Variants in LRBA observed in about 807,000 individuals in gnomAD.
LRBA encodes LPS responsive beige-like anchor protein, also known as lipopolysaccharide-responsive and beige-like anchor protein.
A neutral mutation model predicts 330.0 loss-of-function variants in LRBA; 176 were observed. That is an observed-to-expected ratio of 0.53 (90% confidence interval 0.47 to 0.60). The LOEUF (loss-of-function observed/expected upper bound fraction) is 0.60, where lower values mean the gene tolerates loss of function less well. Among genes scored for constraint, LRBA ranks in the 20% least tolerant of loss-of-function variants. LRBA has a pLI of 0.00. For synonymous variants in LRBA, 1,230 were observed against 1,193.0 expected (o/e 1.03, Z -0.64); for missense variants, 3,259 against 3,444.8 (o/e 0.95, Z 1.35).
At chr4:150,820,495 T>TA (rs777958876) in intron 30 of LRBA, among the ~76,000 whole-genome samples, 4 of 152,002 alleles carry the variant, frequency 2.6e-5, no homozygotes, top group Non-Finnish European at 1.5e-5. Context: ...TATACTACCA[T>TA]AAAATCACAA....
intron 40 of LRBA, among the ~76,000 whole-genome samples, chr4:150,534,005 A>G (rs956098616): frequency 6.6e-6 from 1 of 152,134 alleles, no homozygotes; most frequent in Non-Finnish European, 1.5e-5. Flanking sequence ...TCTCTACCCC[A>G]GTCCTTGTCT....
intron 55 of LRBA, among the ~76,000 whole-genome samples, chr4:150,280,010 A>G (rs1747305826): frequency 1.3e-5 from 2 of 152,228 alleles, no homozygotes; most frequent in African/African-American, 4.8e-5. Flanking sequence ...TCTAGTAAAG[A>G]ATCTCTAATC....
chr4:150,834,918 T>C (rs1309145734), intron 28 of LRBA, among the ~76,000 whole-genome samples: 1 of 152,216 alleles, frequency 6.6e-6, no homozygotes, highest in Non-Finnish European at 1.5e-5. Flanking sequence ...GGTTTTCTTC[T>C]AGGGTTTTTA....
chr4:150,421,424 G>A (rs1748779466), intron 46 of LRBA, among the ~76,000 whole-genome samples: 1 of 150,354 alleles, frequency 6.7e-6, no homozygotes, highest in African/African-American at 2.4e-5. Context: ...GAATGTAAAT[G>A]TTATTTCTTA....
In LRBA at chr4:150,335,852, A is replaced by G. The variant is rs143015597; in HGVS notation, c.7363-9954T>C. ...CAGGGAGCCACAGGTGTGTGCCACC[A>G]TGCCTGGCTGATTTTTGTATTTTTG... is the stretch of plus-strand genomic sequence containing the variant. On this transcript the variant is annotated intron_variant, in intron 48 of 56. Transcript: ENST00000651943. 7.3e-3 allele frequency among the ~76,000 whole-genome samples: 1,109 copies of G among 152,088 alleles called. 10 individuals are homozygous for G. Among genetic ancestry groups the G allele is most frequent in the African/African-American group, 0.026 (1,066 of 41,506 alleles).
intron 9 of LRBA, among the ~76,000 whole-genome samples, chr4:150,909,734 C>A (rs907690413): frequency 6.6e-6 from 1 of 152,084 alleles, no homozygotes; most frequent in Non-Finnish European, 1.5e-5. Context: ...TGAGGAACCT[C>A]ATATTGTTGT....
chr4:150,908,555 C>G (rs1255559585), intron 10 of LRBA, 88 bp from the exon 11 acceptor site: 4 of 1,452,232 alleles, frequency 2.8e-6, no homozygotes, highest in Non-Finnish European at 2.8e-6. Context: ...TGCAGAAACA[C>G]TATAAACGTG....
chr4:150,769,051 G>A (rs951127164), intron 34 of LRBA, among the ~76,000 whole-genome samples: 6 of 148,558 alleles, frequency 4.0e-5, no homozygotes, highest in South Asian at 2.1e-4. Flanking sequence ...ACTCTCCTGC[G>A]TCAGCTTTCC....
intron 47 of LRBA, among the ~76,000 whole-genome samples, chr4:150,384,129 C>T (rs1184111629): frequency 6.6e-6 from 1 of 152,026 alleles, no homozygotes; most frequent in South Asian, 2.1e-4. Context: ...ACCTCCATCT[C>T]CCGGGTTCAA....
Position 150,290,838 on chromosome 4 carries a change from C to T in LRBA, c.8018-4804G>A, listed in dbSNP as rs539830418. Among the ~76,000 whole-genome samples the T allele has an allele frequency of 8.5e-5, 13 of 152,194 alleles. No individual in the cohort carries two copies. The South Asian group carries it at 1.9e-3, about 22-fold the overall frequency. ...TTTTACAGAGGCACTTCTCTCAGTA[C>T]GTAATACTAGATATCAATACCAACT... On this transcript the variant is annotated intron_variant, in intron 53 of 56. Coordinates refer to ENST00000651943, the MANE Select transcript of LRBA (RefSeq NM_001364905.1).
chr4:150,782,439 A>T (rs1037843847), intron 34 of LRBA, among the ~76,000 whole-genome samples: 1 of 152,184 alleles, frequency 6.6e-6, no homozygotes, highest in Admixed American at 6.5e-5. Flanking sequence ...GTATCAGTAG[A>T]GCCATTCTCC....
At chr4:150,837,859 A>G (rs918993713) in intron 28 of LRBA, among the ~76,000 whole-genome samples, 4 of 151,980 alleles carry the variant, frequency 2.6e-5, no homozygotes, top group African/African-American at 4.8e-5. Context: ...TATTTTGCTC[A>G]TTAGTTGATG....
chr4:150,827,166 T>C (rs575860924), intron 30 of LRBA, among the ~76,000 whole-genome samples: 6 of 152,252 alleles, frequency 3.9e-5, no homozygotes, highest in African/African-American at 7.2e-5. Context: ...GAGGAAGACA[T>C]AGAAGAAGCA....
chr4:150,878,547 G>A (rs1148653), intron 17 of LRBA, among the ~76,000 whole-genome samples: 151,831 of 151,892 alleles, frequency 1, 75,885 homozygotes, highest in Non-Finnish European at 1. Flanking sequence ...CAAAGAACCA[G>A]CAAAACGAAA....
intron 2 of LRBA, among the ~76,000 whole-genome samples, chr4:150,993,250 A>G (rs1742292036): frequency 6.6e-6 from 1 of 152,272 alleles, no homozygotes; most frequent in Admixed American, 6.5e-5. Flanking sequence ...ATTGTAATAA[A>G]AGGAAATTTC....
intron 2 of LRBA, among the ~76,000 whole-genome samples, chr4:151,005,303 G>A (rs539361195): frequency 6.6e-6 from 1 of 151,888 alleles, no homozygotes; most frequent in Non-Finnish European, 1.5e-5. Flanking sequence ...AAATTAGCCA[G>A]GGGTGGTGGC....
rs377258937 is a variant in LRBA at position 150,905,018 on chromosome 4, G to A, written c.1755+820C>T. Among the ~76,000 whole-genome samples the A allele has an allele frequency of 7.2e-5, 11 of 151,972 alleles. No homozygotes were observed. In the South Asian group the frequency reaches 1.4e-3, roughly 20 times the overall value. On this transcript the variant is annotated intron_variant, in intron 13 of 56. Transcript: ENST00000651943. ...TTCTAACAAAAATTGTAGATAAGAC[G>A]GATACAATTATGCAATTTAATAAAA...
At chr4:150,977,795 A>G (rs1462111498) in intron 2 of LRBA, among the ~76,000 whole-genome samples, 1 of 152,206 alleles carries the variant, frequency 6.6e-6, no homozygotes, top group African/African-American at 2.4e-5. Flanking sequence ...GGTGGTGGCT[A>G]GTGGGAGATG....
At chr4:150,296,076 T>G (rs1728941925) in intron 53 of LRBA, among the ~76,000 whole-genome samples, 1 of 152,242 alleles carries the variant, frequency 6.6e-6, no homozygotes, top group South Asian at 2.1e-4. Context: ...TGTCTGATTT[T>G]TATGAATATA....
Sources: gnomAD v4.1 joint callset for allele counts (sites outside exome capture counted in the v4.1 genomes callset) on GRCh38, gnomAD v4.1.1 for gene constraint, MANE v1.5 for transcripts, NCBI Gene and HGNC (gene_info 2026-07-23, HGNC 2026-07-21) for gene names.